The following ATRX variants were observed in gnomAD, a reference collection of about 807,000 sequenced individuals.
The protein encoded by ATRX is ATRX chromatin remodeler.
ATRX carries 12 observed loss-of-function variants against 172.6 expected under a neutral mutation model. The ratio of observed to expected loss-of-function variants is 0.07; its 90% CI spans 0.04 to 0.11. The LOEUF is 0.11. ATRX is among the 10% of genes least tolerant of loss of function. The probability of loss-of-function intolerance (pLI) is 1.00; values close to 1 mark genes in which losing one functional copy is unlikely to be tolerated. For synonymous variants in ATRX, 674 were observed against 594.7 expected (o/e 1.13, Z -1.94); for missense variants, 1,368 against 1,767.4 (o/e 0.77, Z 4.05).
chrX:77,724,090 C>G (rs1172228120), intron 1 of ATRX, among the ~76,000 whole-genome samples: 2 of 110,591 alleles, frequency 1.8e-5, no homozygotes, highest in Non-Finnish European at 3.8e-5. Context: ...ACCAGCCTGG[C>G]CAACATGGTG....
In ATRX at chrX:77,584,100, C is replaced by A. The variant is rs782084223; in HGVS notation, c.6217+5734G>T. Among the ~76,000 whole-genome samples the A allele has an allele frequency of 5.4e-5, 6 of 111,312 alleles. No individual in the cohort carries two copies. In the South Asian group the frequency reaches 2.2e-3, roughly 41 times the overall value. Reference sequence around the variant, plus strand: ...ATGTACAATAGCTATAAATAAAATACTTAGGAATTAACCAAAGAAGTGAAA... The same window carrying A: ...ATGTACAATAGCTATAAATAAAATAATTAGGAATTAACCAAAGAAGTGAAA... On this transcript the variant is annotated intron_variant, in intron 27 of 34. Coordinates refer to ENST00000373344, the MANE Select transcript of ATRX (RefSeq NM_000489.6).
intron 2 of ATRX, among the ~76,000 whole-genome samples, chrX:77,703,032 TA>T (rs2072618095): frequency 8.9e-6 from 1 of 112,649 alleles, no homozygotes; most frequent in South Asian, 3.6e-4. Context: ...TCGCCAGTGA[TA>T]AAACATTAAA....
At chrX:77,782,767 TAAAG>T (rs1557206170) in intron 1 of ATRX, among the ~76,000 whole-genome samples, 2 of 108,188 alleles carry the variant, frequency 1.8e-5, no homozygotes. Flanking sequence ...AAAATAAAAA[TAAAG>T]AAAACAAATT....
chrX:77,634,768 C>G (rs1242616459), intron 16 of ATRX, 65 bp from the exon 17 acceptor site: 48 of 941,198 alleles, frequency 5.1e-5, no homozygotes, highest in Non-Finnish European at 6.6e-5. Flanking sequence ...TTTACATAAA[C>G]ACATCAAAAA....
At position 77,682,853 on chromosome X, in the gene ATRX, A is replaced by G. The variant is rs2148598759; in HGVS notation, c.2403T>C (p.Ser801=). The change falls in exon 9 of 35, where the codon TCT becomes TCC. Residue 801 remains serine, a synonymous_variant. Coordinates refer to ENST00000373344, the MANE Select transcript of ATRX (RefSeq NM_000489.6). ...DTKKGKSAKS[S]IISKKKRQTQ... ...TTTGTCGTTTCTTTTTAGAAATTAT[A>G]GAGCTCTTAGCTGATTTGCCCTTTT... 1 of 1,208,270 alleles carries G rather than the reference A, an allele frequency of 8.3e-7. No homozygotes were observed.
chrX:77,722,077 G>C (rs1386325470), intron 1 of ATRX, among the ~76,000 whole-genome samples: 1 of 111,686 alleles, frequency 9.0e-6, no homozygotes. Flanking sequence ...AATGGAGAAA[G>C]GACTCCCTAT....
intron 1 of ATRX, among the ~76,000 whole-genome samples, chrX:77,734,236 CAT>C (rs2074435690): frequency 9.4e-6 from 1 of 105,877 alleles, no homozygotes; most frequent in Non-Finnish European, 1.9e-5. Flanking sequence ...TACATACATA[CAT>C]ACATACATAC....
intron 30 of ATRX, among the ~76,000 whole-genome samples, chrX:77,546,847 A>C (rs2064261490): frequency 8.9e-6 from 1 of 112,243 alleles, no homozygotes; most frequent in African/African-American, 3.2e-5. Context: ...AAGGAAAAAC[A>C]CTATTTCAAA....
At chrX:77,577,968 G>A (rs1364366108) in intron 27 of ATRX, among the ~76,000 whole-genome samples, 1 of 111,671 alleles carries the variant, frequency 9.0e-6, no homozygotes, top group African/African-American at 3.3e-5. Flanking sequence ...ATCTTGAATC[G>A]CCAATGCCAC....
intron 34 of ATRX, among the ~76,000 whole-genome samples, chrX:77,517,137 A>C (rs1212758195): frequency 1.8e-5 from 2 of 111,141 alleles, no homozygotes; most frequent in Non-Finnish European, 1.9e-5. Context: ...GAAAAAAAAA[A>C]CAAACACCTA....
chrX:77,636,751 G>A (rs2148365448), intron 15 of ATRX, among the ~76,000 whole-genome samples: 1 of 102,842 alleles, frequency 9.7e-6, no homozygotes, highest in African/African-American at 3.7e-5. Flanking sequence ...CCCTGTTGTT[G>A]GTTGCTATGC....
intron 9 of ATRX, among the ~76,000 whole-genome samples, chrX:77,678,924 A>T (rs2071050727): frequency 9.0e-6 from 1 of 111,043 alleles, no homozygotes. Context: ...TGTAGCTGTA[A>T]TATGATACCC....
Position 77,683,612 on chromosome X carries a change from G to A in ATRX, c.1644C>T (p.Gly548=), listed in dbSNP as rs782437103. 1 of 1,211,479 alleles carries A rather than the reference G, an allele frequency of 8.3e-7. No individual in the cohort carries two copies. Among genetic ancestry groups the A allele is most frequent in the Non-Finnish European group, 1.1e-6 (1 of 895,298 alleles). Residue 548 remains glycine, a synonymous_variant, in exon 9 of 35, where the codon GGC becomes GGT. Transcript: ENST00000373344. ...CCACTTCTTGTTCAGTTCCACTGCT[G>A]CCATCCCCTTGATGATCAACTGAAC... The part of the protein sequence containing the change: ...VQSSVDHQGD[G]SSGTEQEVES...
At chrX:77,728,440 C>T (rs1394355301) in intron 1 of ATRX, among the ~76,000 whole-genome samples, 37 of 111,846 alleles carry the variant, frequency 3.3e-4, no homozygotes, top group Admixed American at 1.4e-3. Flanking sequence ...ATGAAAAACA[C>T]ATTACTTTGC....
intron 15 of ATRX, among the ~76,000 whole-genome samples, chrX:77,636,794 A>G (rs964814813): frequency 3.7e-5 from 4 of 107,086 alleles, no homozygotes; most frequent in Non-Finnish European, 7.7e-5. Flanking sequence ...AAGGAAGAAG[A>G]AGGAGAAGGA....
chrX:77,676,153 C>G, intron 10 of ATRX, 73 bp downstream of exon 10: 1 of 1,000,457 alleles, frequency 1.0e-6, no homozygotes, highest in Middle Eastern at 2.7e-4. Flanking sequence ...GCTTGCTGTT[C>G]CGTTGCTGCT....
At chrX:77,748,540 A>G (rs183000500) in intron 1 of ATRX, among the ~76,000 whole-genome samples, 66 of 112,282 alleles carry the variant, frequency 5.9e-4, no homozygotes, top group Non-Finnish European at 7.9e-4. Flanking sequence ...TAATTAAATA[A>G]AAAGAAGATA....
intron 30 of ATRX, among the ~76,000 whole-genome samples, chrX:77,525,687 A>G (rs1272480115): frequency 8.9e-6 from 1 of 112,283 alleles, no homozygotes; most frequent in Non-Finnish European, 1.9e-5. Context: ...GATTCTTTCA[A>G]TAACATTGGA....
chrX:77,673,628 G>A (rs1433042848), intron 10 of ATRX, among the ~76,000 whole-genome samples: 2 of 110,717 alleles, frequency 1.8e-5, no homozygotes, highest in Non-Finnish European at 3.8e-5. Flanking sequence ...AAATATGAGT[G>A]ACGCTACATA....
Sources: allele counts gnomAD v4.1 joint callset (sites outside exome capture counted in the v4.1 genomes callset), GRCh38; gene constraint gnomAD v4.1.1; transcripts MANE v1.5; gene names NCBI Gene and HGNC (gene_info 2026-07-23, HGNC 2026-07-21).